Variants in RPTOR observed in about 807,000 individuals in gnomAD.
RPTOR encodes the protein regulatory associated protein of MTOR complex 1.
RPTOR carries 21 observed loss-of-function variants against 169.9 expected under a neutral mutation model. That is an observed-to-expected ratio of 0.12 (90% CI 0.09 to 0.18). RPTOR has a LOEUF of 0.18. Among genes scored for constraint, RPTOR ranks in the 10% least tolerant of loss-of-function variants. RPTOR has a pLI of 1.00. For missense variants in RPTOR, 1,133 were observed against 1,855.9 expected (o/e 0.61, Z 7.16); for synonymous variants, 732 against 753.2 (o/e 0.97, Z 0.46).
chr17:80,794,755 G>A (rs1018883608), intron 7 of RPTOR, among the ~76,000 whole-genome samples: 9 of 152,220 alleles, frequency 5.9e-5, no homozygotes, highest in Non-Finnish European at 1.2e-4. Flanking sequence ...TATATACACC[G>A]CCATTTGGGC....
At chr17:80,807,859 T>A (rs562298044) in intron 7 of RPTOR, among the ~76,000 whole-genome samples, 1 of 152,316 alleles carries the variant, frequency 6.6e-6, no homozygotes, top group African/African-American at 2.4e-5. Flanking sequence ...TGTCTCATAG[T>A]CTTCCCATTG....
intron 21 of RPTOR, among the ~76,000 whole-genome samples, chr17:80,913,679 C>T (rs1232099000): frequency 6.6e-6 from 1 of 152,196 alleles, no homozygotes; most frequent in Non-Finnish European, 1.5e-5. Context: ...TCTCAAACTC[C>T]TAGGCTCAAG....
intron 3 of RPTOR, among the ~76,000 whole-genome samples, chr17:80,680,558 G>C (rs2065890952): frequency 6.6e-6 from 1 of 152,140 alleles, no homozygotes; most frequent in African/African-American, 2.4e-5. Context: ...GAACCCAGGT[G>C]GCAGAGGTTG....
chr17:80,839,082 A>G (rs1279449529), intron 10 of RPTOR, among the ~76,000 whole-genome samples: 2 of 152,192 alleles, frequency 1.3e-5, no homozygotes, highest in Non-Finnish European at 2.9e-5. Context: ...CTTTCAGTGC[A>G]CACCACAGCC....
At chr17:80,671,564 G>A (rs1053537067) in intron 3 of RPTOR, among the ~76,000 whole-genome samples, 3 of 152,078 alleles carry the variant, frequency 2.0e-5, no homozygotes, top group African/African-American at 7.2e-5. Context: ...AACTTAAGTC[G>A]GTTGGGGAAG....
In RPTOR at chr17:80,945,643, A is replaced by G. The variant is rs375627707; in HGVS notation, c.3026-24A>G. ...GGAAAAGATGCTGGCTCCTGGATCCACTCTTGTGTGTTTCTTTTGACAGGC... is the reference window on the plus strand; with the variant it reads ...GGAAAAGATGCTGGCTCCTGGATCCGCTCTTGTGTGTTTCTTTTGACAGGC... On this transcript the variant is annotated intron_variant, in intron 25 of 33. Coordinates refer to ENST00000306801, the MANE Select transcript of RPTOR (RefSeq NM_020761.3). 145 of 1,427,518 alleles carry G rather than the reference A, an allele frequency of 1.0e-4. No individual in the cohort carries two copies. In the African/African-American group the frequency reaches 2.0e-3, roughly 20 times the overall value. The allele number at this position is 1,427,518 out of a possible 1,614,324, so 88.4% of individuals were successfully genotyped here.
At chr17:80,762,023 C>T (rs912889087) in intron 6 of RPTOR, among the ~76,000 whole-genome samples, 8 of 152,150 alleles carry the variant, frequency 5.3e-5, no homozygotes, top group Admixed American at 1.3e-4. Context: ...ACACAGTCCC[C>T]GCGGCAGCTT....
intron 3 of RPTOR, among the ~76,000 whole-genome samples, chr17:80,652,746 G>T (rs9896186): frequency 0.031 from 4,647 of 152,234 alleles, 242 homozygotes; most frequent in African/African-American, 0.1. Context: ...GTGGGCCCCT[G>T]CCCACTAGTG....
At chr17:80,903,149 G>A (rs553734251) in intron 20 of RPTOR, among the ~76,000 whole-genome samples, 8 of 152,332 alleles carry the variant, frequency 5.3e-5, no homozygotes, top group African/African-American at 1.2e-4. Flanking sequence ...ACAGCCCTGC[G>A]GAGCCTGGAG....
chr17:80,567,812 A>G (rs2064861648), intron 1 of RPTOR, among the ~76,000 whole-genome samples: 1 of 149,058 alleles, frequency 6.7e-6, no homozygotes, highest in African/African-American at 2.5e-5. Flanking sequence ...TAAAATAAAT[A>G]AATAAATAAA....
intron 17 of RPTOR, among the ~76,000 whole-genome samples, chr17:80,890,198 G>A (rs952927844): frequency 1.2e-4 from 19 of 152,168 alleles, no homozygotes; most frequent in Admixed American, 5.2e-4. Flanking sequence ...CCCCTGAATC[G>A]AAGGGCCCAC....
At chr17:80,642,436 C>CT (rs2065561482) in intron 2 of RPTOR, among the ~76,000 whole-genome samples, 1 of 152,126 alleles carries the variant, frequency 6.6e-6, no homozygotes, top group South Asian at 2.1e-4. Flanking sequence ...CTGGCAACTT[C>CT]TTAGTACTTA....
In RPTOR at chr17:80,815,869, G is replaced by A. The variant is rs936277398; in HGVS notation, c.891-6332G>A. On this transcript the variant is annotated intron_variant, in intron 7 of 33. Coordinates refer to ENST00000306801, the MANE Select transcript of RPTOR (RefSeq NM_020761.3). ...CAATCAGGGCTGGACAGTCCGTCAC[G>A]TGCAGAGCATCCTCCCGACTGGCGA... is the stretch of plus-strand genomic sequence containing the variant. Among the ~76,000 whole-genome samples the A allele has an allele frequency of 1.3e-5, 2 of 150,278 alleles. 1 individual carries two copies. The highest frequency in any genetic ancestry group is 3.0e-5 in the Non-Finnish European group (2 of 67,736).
Position 80,730,905 on chromosome 17 carries a change from G to T in RPTOR, c.654+199G>T, listed in dbSNP as rs537204427. 1.3e-5 allele frequency among the ~76,000 whole-genome samples: 2 copies of T among 152,110 alleles called. No homozygotes were observed. Among genetic ancestry groups the T allele is most frequent in the East Asian group, 1.9e-4 (1 of 5,182 alleles). On this transcript the variant is annotated intron_variant, in intron 5 of 33. Transcript: ENST00000306801. The surrounding 1 kb of genome is among the most constrained non-coding windows in gnomAD (Gnocchi z 4.2). ...CACTTTATTTTTGAAACATAATCTTGTTCTGTTGCCCAGGCTGGAGTGCTG... is the reference window on the plus strand; with the variant it reads ...CACTTTATTTTTGAAACATAATCTTTTTCTGTTGCCCAGGCTGGAGTGCTG...
chr17:80,685,075 C>T (rs1861181388), intron 3 of RPTOR, among the ~76,000 whole-genome samples: 1 of 118,286 alleles, frequency 8.5e-6, no homozygotes, highest in African/African-American at 4.7e-5. Flanking sequence ...TTGTCAAATT[C>T]CCTTCCTACC....
At chr17:80,888,059 C>G (rs1034340990) in intron 17 of RPTOR, among the ~76,000 whole-genome samples, 2 of 152,204 alleles carry the variant, frequency 1.3e-5, no homozygotes, top group Non-Finnish European at 2.9e-5. Context: ...TGGGGGCTTA[C>G]TCCCTCCCTG....
chr17:80,743,791 C>T (rs11867606), intron 5 of RPTOR, among the ~76,000 whole-genome samples: 13,566 of 55,504 alleles, frequency 0.24, 1,562 homozygotes, highest in East Asian at 0.39. Context: ...AGAGCCCTGG[C>T]TACTAGCACA....
intron 3 of RPTOR, among the ~76,000 whole-genome samples, chr17:80,688,542 G>A (rs1276594226): frequency 6.7e-6 from 1 of 150,188 alleles, no homozygotes; most frequent in Non-Finnish European, 1.5e-5. Context: ...AAACATCACA[G>A]CCTCACAGTT....
chr17:80,634,674 CTG>C (rs546430251), intron 2 of RPTOR, among the ~76,000 whole-genome samples: 923 of 44,612 alleles, frequency 0.021, 58 homozygotes, highest in Non-Finnish European at 0.027. Flanking sequence ...TGTGTGCGTA[CTG>C]TGTGTGCGTA....
Sources: allele counts gnomAD v4.1 joint callset (sites outside exome capture counted in the v4.1 genomes callset), GRCh38; gene constraint gnomAD v4.1.1; non-coding constraint Gnocchi (gnomAD v3.1); transcripts MANE v1.5; gene names NCBI Gene and HGNC (gene_info 2026-07-23, HGNC 2026-07-21).